Variants in OGFRL1 observed in about 807,000 individuals in gnomAD.
OGFRL1 encodes the protein opioid growth factor receptor-like protein 1.
OGFRL1 carries 26 observed loss-of-function variants against 32.4 expected under a neutral mutation model. The observed-to-expected ratio is 0.80, with a 90% CI of 0.59 to 1.11. The LOEUF (loss-of-function observed/expected upper bound fraction) is 1.11. Among genes scored for constraint, OGFRL1 ranks in the 50% most tolerant of loss-of-function variants. The pLI is 0.00. For synonymous variants in OGFRL1, 211 were observed against 201.2 expected (o/e 1.05, Z -0.41); for missense variants, 521 against 546.4 (o/e 0.95, Z 0.46).
rs770259674 is a variant in OGFRL1 at position 71,301,968 on chromosome 6, T to C, written c.1275T>C (p.Asn425=). ...AAAAGGAGAGTGTATCTCCTGAGAA[T>C]AACGAAGAAGGTGGAAATGATAACC... The part of the protein sequence containing the change: ...TEKKESVSPE[N]NEEGGNDNQD... Residue 425 remains asparagine, a synonymous_variant, in exon 7 of 7, where the codon AAT becomes AAC. Transcript: ENST00000370435. 1.2e-6 allele frequency: 2 copies of C among 1,604,616 alleles called. No individual in the cohort carries two copies. Among genetic ancestry groups the C allele is most frequent in the South Asian group, 2.2e-5 (2 of 88,944 alleles).
chr6:71,299,849 GGGC>G (rs1159972435), intron 6 of OGFRL1, among the ~76,000 whole-genome samples: 1 of 152,152 alleles, frequency 6.6e-6, no homozygotes, highest in African/African-American at 2.4e-5. Flanking sequence ...TTTACCCTCT[GGGC>G]TTCACAGTTG....
chr6:71,296,611 A>G (rs758939413), intron 5 of OGFRL1, 50 bp downstream of exon 5: 20 of 1,607,022 alleles, frequency 1.2e-5, no homozygotes, highest in South Asian at 1.1e-5. Flanking sequence ...TAATATTGCT[A>G]TTTCACTGTC....
intron 6 of OGFRL1, among the ~76,000 whole-genome samples, chr6:71,300,918 G>A (rs540292064): frequency 3.3e-5 from 5 of 152,306 alleles, no homozygotes; most frequent in African/African-American, 4.8e-5. Context: ...GTTGGCTTAC[G>A]TGGTGGATTT....
chr6:71,302,100 G>A lies in OGFRL1; in HGVS notation c.*51G>A. The A allele has an allele frequency of 7.1e-7, 1 of 1,410,816 alleles. No homozygotes were observed. Among genetic ancestry groups the A allele is most frequent in the Non-Finnish European group, 9.3e-7 (1 of 1,072,494 alleles). 87.4% of individuals were successfully genotyped at this position (1,410,816 alleles called of 1,614,324 possible). On this transcript the variant is annotated 3_prime_UTR_variant, in exon 7 of 7. Transcript: ENST00000370435. ...TTAGGCTAGAGAGGAAAAAACTACT[G>A]TATCATTTATCCTAAAGAACAGAGA... is the stretch of plus-strand genomic sequence containing the variant.
At chr6:71,292,297 G>A (rs770451247) in intron 1 of OGFRL1, among the ~76,000 whole-genome samples, 70 of 152,304 alleles carry the variant, frequency 4.6e-4, no homozygotes, top group Non-Finnish European at 8.7e-4. Context: ...TGATGTTGAA[G>A]TAACTCGGTA....
At chr6:71,293,924 T>C (rs974356401) in intron 3 of OGFRL1, among the ~76,000 whole-genome samples, 4 of 152,206 alleles carry the variant, frequency 2.6e-5, no homozygotes, top group Non-Finnish European at 5.9e-5. Flanking sequence ...ATTAGGTCAC[T>C]AGGACTTAAA....
chr6:71,296,204 G>A lies in OGFRL1; in HGVS notation c.401-113G>A, dbSNP rs558248871. ...ATCTTTTTAAAAGCACTATTCTTGT[G>A]TGCTATTATTAAATTTAAACAAGTT... is the stretch of plus-strand genomic sequence containing the variant. On this transcript the variant is annotated intron_variant, in intron 3 of 6. Coordinates refer to ENST00000370435, the MANE Select transcript of OGFRL1 (RefSeq NM_024576.5). 130 of 680,660 alleles carry A rather than the reference G, an allele frequency of 1.9e-4. No homozygotes were observed. The East Asian group carries it at 3.2e-3, about 17-fold the overall frequency. 42.2% of individuals were successfully genotyped at this position (680,660 alleles called of 1,614,324 possible).
chr6:71,296,310 T>C lies in OGFRL1; in HGVS notation c.401-7T>C. On this transcript the variant is annotated splice_region_variant and splice_polypyrimidine_tract_variant and intron_variant, in intron 3 of 6. Coordinates refer to ENST00000370435, the MANE Select transcript of OGFRL1 (RefSeq NM_024576.5). ...GTCTGGTTCATTTTTAAATATTTAC[T>C]ATTTAGGTGTTTACATTGAAGAAGT... 1 of 1,552,412 alleles carries C rather than the reference T, an allele frequency of 6.4e-7. No homozygotes were observed.
chr6:71,292,547 C>T (rs974659751), intron 1 of OGFRL1, among the ~76,000 whole-genome samples: 1 of 152,164 alleles, frequency 6.6e-6, no homozygotes, highest in African/African-American at 2.4e-5. Context: ...ACATCTTATA[C>T]TTTAAAAATC....
chr6:71,293,822 G>A (rs1480276520), intron 3 of OGFRL1, among the ~76,000 whole-genome samples: 1 of 152,110 alleles, frequency 6.6e-6, no homozygotes, highest in African/African-American at 2.4e-5. Context: ...CAATTTTTGT[G>A]ACAGGAAGAG....
intron 6 of OGFRL1, 79 bp from the exon 7 acceptor site, chr6:71,301,307 T>G: frequency 8.3e-7 from 1 of 1,207,696 alleles, no homozygotes; most frequent in Non-Finnish European, 1.2e-6. Flanking sequence ...CCATAAAAAA[T>G]ATTTTCCCAA....
chr6:71,289,475 A>G (rs779238528), intron 1 of OGFRL1: 25 of 972,090 alleles, frequency 2.6e-5, no homozygotes, highest in Non-Finnish European at 2.9e-5. Context: ...CAGCTGGATT[A>G]TGCGAAGGTG....
At chr6:71,296,112 T>C (rs1407639745) in intron 3 of OGFRL1, among the ~76,000 whole-genome samples, 2 of 152,174 alleles carry the variant, frequency 1.3e-5, no homozygotes, top group Admixed American at 6.5e-5. Flanking sequence ...CTTGTGCAAT[T>C]TGAGGTGCTA....
At chr6:71,289,375 TGCCG>T (rs1765968472) in intron 1 of OGFRL1, 5 of 984,372 alleles carry the variant, frequency 5.1e-6, no homozygotes, top group Non-Finnish European at 6.0e-6. Flanking sequence ...ACCCTCCCAC[TGCCG>T]GCCTGGGGCC....
At chr6:71,293,216 C>T in intron 1 of OGFRL1, 77 bp from the exon 2 acceptor site, 3 of 1,220,198 alleles carry the variant, frequency 2.5e-6, no homozygotes, top group Non-Finnish European at 3.6e-6. Context: ...ATGGATCTTC[C>T]TTAAGTTTGT....
chr6:71,294,367 G>C (rs1248038543), intron 3 of OGFRL1, among the ~76,000 whole-genome samples: 2 of 152,186 alleles, frequency 1.3e-5, no homozygotes, highest in Non-Finnish European at 2.9e-5. Context: ...TTCTGTGTGA[G>C]GTGGTCAGAC....
In OGFRL1 at chr6:71,309,010, C is replaced by T. The variant is rs1428751627; in HGVS notation, c.*6961C>T. 6.6e-6 allele frequency: 1 copy of T among 152,136 alleles called. No homozygotes were observed. Among genetic ancestry groups the T allele is most frequent in the Admixed American group, 6.5e-5 (1 of 15,276 alleles). 9.4% of individuals were successfully genotyped at this position (152,136 alleles called of 1,614,324 possible). On this transcript the variant is annotated 3_prime_UTR_variant, in exon 7 of 7. Transcript: ENST00000370435. ...TTTTATGATTAACACATAAGACTAACATTATTTTCTTTTATCCTCAAAAAT... is the reference window on the plus strand; with the variant it reads ...TTTTATGATTAACACATAAGACTAATATTATTTTCTTTTATCCTCAAAAAT...
In OGFRL1 at chr6:71,301,793, A is replaced by G; in HGVS notation, c.1100A>G (p.Lys367Arg). ...HLNSKTAEDKKVAPKEPVEET... is the reference protein window; with the variant it reads ...HLNSKTAEDKRVAPKEPVEET... ...AATAGCAAAACAGCTGAAGACAAAA[A>G]AGTGGCACCAAAAGAGCCTGTGGAA... Residue 367 changes from lysine to arginine, a missense_variant, in exon 7 of 7, where the codon AAA becomes AGA. Transcript: ENST00000370435. 6.2e-7 allele frequency: 1 copy of G among 1,613,700 alleles called. No individual in the cohort carries two copies. Among genetic ancestry groups the G allele is most frequent in the African/African-American group, 1.3e-5 (1 of 74,948 alleles).
At chr6:71,291,045 C>G (rs758641461) in intron 1 of OGFRL1, among the ~76,000 whole-genome samples, 1 of 152,046 alleles carries the variant, frequency 6.6e-6, no homozygotes, top group South Asian at 2.1e-4. Flanking sequence ...GGAGTGATGA[C>G]GACTGAGGAC....
Sources: gnomAD v4.1 joint callset for allele counts (sites outside exome capture counted in the v4.1 genomes callset) on GRCh38, gnomAD v4.1.1 for gene constraint, MANE v1.5 for transcripts, NCBI Gene and HGNC (gene_info 2026-07-23, HGNC 2026-07-21) for gene names.